The following PRICKLE1 variants were observed in gnomAD, a reference collection of about 807,000 sequenced individuals.
PRICKLE1 encodes prickle planar cell polarity protein 1.
PRICKLE1 carries 14 observed loss-of-function variants against 70.2 expected under a neutral mutation model. That is an observed-to-expected ratio of 0.20 (90% CI 0.13 to 0.31). PRICKLE1 has a LOEUF of 0.31. PRICKLE1 is among the 10% of genes least tolerant of loss of function. PRICKLE1 has a pLI of 1.00. For synonymous variants in PRICKLE1, 357 were observed against 379.9 expected (o/e 0.94, Z 0.70); for missense variants, 821 against 1,026.2 (o/e 0.80, Z 2.73).
chr12:42,468,498 A>C, intron 5 of PRICKLE1, 128 bp downstream of exon 5: 1 of 858,028 alleles, frequency 1.2e-6, no homozygotes, highest in South Asian at 1.5e-5. Flanking sequence ...AATGTACAGG[A>C]TTATGTTTAA....
Position 42,472,072 on chromosome 12 carries a change from C to T in PRICKLE1, c.132+313G>A, listed in dbSNP as rs1551210. ...TTTTTTAAAAGGGAAATTCCTCTCA[C>T]TCTCAAGAGGGATTCATCCGAAATA... On this transcript the variant is annotated intron_variant, in intron 2 of 7. Transcript: ENST00000345127. Among the ~76,000 whole-genome samples, 52,045 of 152,018 alleles carry T rather than the reference C, an allele frequency of 0.34. 9,642 individuals are homozygous for T. The highest frequency in any genetic ancestry group is 0.47 in the South Asian group (2,274 of 4,816).
At chr12:42,529,972 C>T (rs181459224) in intron 1 of PRICKLE1, among the ~76,000 whole-genome samples, 6 of 140,632 alleles carry the variant, frequency 4.3e-5, no homozygotes, top group Admixed American at 1.4e-4. Flanking sequence ...TTTTTGGTGG[C>T]GTCTCACTCT....
rs566987905 is a variant in PRICKLE1 at position 42,457,995 on chromosome 12, G to T, written c.*1814C>A. Reference sequence around the variant, plus strand: ...TGGTTTTTTAAAGGCACCAGACCAGGGAATGTAAGTTACTGAGTGAAGAAC... The same window carrying T: ...TGGTTTTTTAAAGGCACCAGACCAGTGAATGTAAGTTACTGAGTGAAGAAC... On this transcript the variant is annotated 3_prime_UTR_variant, in exon 8 of 8. Coordinates refer to ENST00000345127, the MANE Select transcript of PRICKLE1 (RefSeq NM_153026.3). 1 of 152,158 alleles carries T rather than the reference G, an allele frequency of 6.6e-6. No individual in the cohort carries two copies. Among genetic ancestry groups the T allele is most frequent in the Non-Finnish European group, 1.5e-5 (1 of 68,034 alleles). The allele number at this position is 152,158 out of a possible 1,614,324, so 9.4% of individuals were successfully genotyped here. A position where few individuals can be genotyped will look rare whatever the true frequency, so the allele number is the denominator to read the frequency against.
chr12:42,457,575 G>A lies in PRICKLE1; in HGVS notation c.*2234C>T, dbSNP rs755474023. 4.6e-5 allele frequency: 7 copies of A among 152,188 alleles called. No individual in the cohort carries two copies. Among genetic ancestry groups the A allele is most frequent in the South Asian group, 2.1e-4 (1 of 4,830 alleles). The allele number at this position is 152,188 out of a possible 1,614,324, so 9.4% of individuals were successfully genotyped here. A position where few individuals can be genotyped will look rare whatever the true frequency, so the allele number is the denominator to read the frequency against. On this transcript the variant is annotated 3_prime_UTR_variant, in exon 8 of 8. Transcript: ENST00000345127. ...GGCAATATCCATCAGTCTTAAATAC[G>A]TAACCTTTGTCCCAGTAACTACGCT... is the stretch of plus-strand genomic sequence containing the variant.
At chr12:42,531,324 G>A (rs1182827398) in intron 1 of PRICKLE1, among the ~76,000 whole-genome samples, 1 of 152,160 alleles carries the variant, frequency 6.6e-6, no homozygotes, top group East Asian at 1.9e-4. Flanking sequence ...GGGATTACAG[G>A]CGTGAGCCAC....
intron 1 of PRICKLE1, among the ~76,000 whole-genome samples, chr12:42,514,431 A>G (rs762520748): frequency 6.6e-6 from 1 of 151,820 alleles, no homozygotes. Context: ...TTTCCTGTGG[A>G]TCTCTTGTCA....
At chr12:42,477,098 C>A (rs182633235) in intron 1 of PRICKLE1, among the ~76,000 whole-genome samples, 15 of 151,914 alleles carry the variant, frequency 9.9e-5, no homozygotes, top group Non-Finnish European at 2.1e-4. Flanking sequence ...CGTGGCCAGG[C>A]GCAGTAGCTC....
intron 1 of PRICKLE1, among the ~76,000 whole-genome samples, chr12:42,516,755 C>T (rs547833500): frequency 2.6e-5 from 4 of 152,170 alleles, no homozygotes; most frequent in South Asian, 2.1e-4. Context: ...TAGGTTGGGC[C>T]GTTTCCTTGG....
chr12:42,491,435 C>T (rs1466975273), intron 1 of PRICKLE1, among the ~76,000 whole-genome samples: 3 of 151,548 alleles, frequency 2.0e-5, no homozygotes, highest in Non-Finnish European at 4.4e-5. Context: ...TGCCTGTAAT[C>T]CCAGCTTCTC....
intron 1 of PRICKLE1, among the ~76,000 whole-genome samples, chr12:42,568,311 A>C (rs1940655342): frequency 6.6e-6 from 1 of 152,176 alleles, no homozygotes; most frequent in Non-Finnish European, 1.5e-5. Flanking sequence ...AGTAGCTGGG[A>C]CCACAGGTGC....
At chr12:42,492,180 C>A (rs924140585) in intron 1 of PRICKLE1, among the ~76,000 whole-genome samples, 2 of 152,104 alleles carry the variant, frequency 1.3e-5, no homozygotes, top group African/African-American at 2.4e-5. Context: ...TAGCTCACTG[C>A]AGCCTCTACC....
At chr12:42,519,955 G>C (rs778933441) in intron 1 of PRICKLE1, among the ~76,000 whole-genome samples, 1 of 152,098 alleles carries the variant, frequency 6.6e-6, no homozygotes, top group African/African-American at 2.4e-5. Context: ...CTACAGATGC[G>C]AGCCATTGCA....
intron 1 of PRICKLE1, among the ~76,000 whole-genome samples, chr12:42,552,589 T>C (rs1940335719): frequency 6.6e-6 from 1 of 152,138 alleles, no homozygotes; most frequent in Non-Finnish European, 1.5e-5. Context: ...GAATCACCAA[T>C]GGGGGTCCCA....
At chr12:42,543,809 C>T (rs954063190) in intron 1 of PRICKLE1, among the ~76,000 whole-genome samples, 11 of 152,132 alleles carry the variant, frequency 7.2e-5, no homozygotes, top group Non-Finnish European at 1.0e-4. Flanking sequence ...GCGTGAGCCA[C>T]CGCACCCGGC....
intron 1 of PRICKLE1, among the ~76,000 whole-genome samples, chr12:42,508,023 C>T (rs1008040): frequency 0.58 from 87,880 of 152,022 alleles, 25,692 homozygotes; most frequent in East Asian, 0.72. Flanking sequence ...AAGTTAACTA[C>T]ACAAACAAGC....
At chr12:42,565,273 C>T (rs1940602923) in intron 1 of PRICKLE1, among the ~76,000 whole-genome samples, 2 of 152,192 alleles carry the variant, frequency 1.3e-5, no homozygotes, top group Non-Finnish European at 2.9e-5. Flanking sequence ...AAAGTCTAGT[C>T]AGCCCAGGTG....
chr12:42,556,846 G>A (rs1301346560), intron 1 of PRICKLE1, among the ~76,000 whole-genome samples: 1 of 152,118 alleles, frequency 6.6e-6, no homozygotes, highest in East Asian at 1.9e-4. Context: ...TAGTTTTTAT[G>A]CTTTGCTCAA....
rs563074328 is a variant in PRICKLE1, at chr12:42,524,112, T to C, written c.-48-51548A>G. ...ATTAAAATGGCCTGTGCAATACAGG[T>C]AATTTGAAACAGCAAGCACATGTAC... On this transcript the variant is annotated intron_variant, in intron 1 of 7. Coordinates refer to ENST00000345127, the MANE Select transcript of PRICKLE1 (RefSeq NM_153026.3). Among the ~76,000 whole-genome samples the C allele has an allele frequency of 5.3e-5, 8 of 152,350 alleles. No homozygotes were observed. In the South Asian group the frequency reaches 1.7e-3, roughly 32 times the overall value.
intron 1 of PRICKLE1, among the ~76,000 whole-genome samples, chr12:42,529,954 T>TTCCTTTCTTCCTTCCTTCCTTCC (rs35695872): frequency 8.3e-6 from 1 of 120,934 alleles, no homozygotes; most frequent in Non-Finnish European, 1.6e-5. Context: ...CCTTCCTTCC[T>TTCCTTTCTTCCTTCCTTCCTTCC]TTTTTTTTTT....
Sources: gnomAD v4.1 joint callset for allele counts (sites outside exome capture counted in the v4.1 genomes callset) on GRCh38, gnomAD v4.1.1 for gene constraint, MANE v1.5 for transcripts, NCBI Gene and HGNC (gene_info 2026-07-23, HGNC 2026-07-21) for gene names.